Variants in SNAP25 observed in about 807,000 individuals in gnomAD.
SNAP25 encodes synaptosomal-associated protein 25.
A neutral mutation model predicts 28.7 loss-of-function variants in SNAP25; 3 were observed. The ratio of observed to expected loss-of-function variants is 0.10; its 90% confidence interval spans 0.05 to 0.27. The LOEUF is 0.27. Among genes scored for constraint, SNAP25 ranks in the 10% least tolerant of loss-of-function variants. SNAP25 has a pLI of 1.00. For missense variants in SNAP25, 117 were observed against 278.7 expected (o/e 0.42, Z 4.13); for synonymous variants, 61 against 88.1 (o/e 0.69, Z 1.72).
intron 2 of SNAP25, among the ~76,000 whole-genome samples, chr20:10,276,533 C>A (rs550831898): frequency 1.3e-5 from 2 of 152,104 alleles, no homozygotes; most frequent in African/African-American, 2.4e-5. Context: ...CAAAGAAATC[C>A]TTTTTGTCAT....
rs541425690 is a variant in SNAP25 at position 10,282,712 on chromosome 20, C to T, written c.115-2012C>T. 4.6e-5 allele frequency among the ~76,000 whole-genome samples: 7 copies of T among 152,286 alleles called. No individual in the cohort carries two copies. In the East Asian group the frequency reaches 9.6e-4, roughly 21 times the overall value. ...TTCATGTGTGGCCTGATTGGGCCCT[C>T]GAGGAGAAAGTGCTCTCCGAGATGC... On this transcript the variant is annotated intron_variant, in intron 3 of 7. Coordinates refer to ENST00000254976, the MANE Select transcript of SNAP25 (RefSeq NM_130811.4).
At chr20:10,245,691 T>TACACACAC (rs34503380) in intron 1 of SNAP25, among the ~76,000 whole-genome samples, 1 of 150,880 alleles carries the variant, frequency 6.6e-6, no homozygotes, top group African/African-American at 2.4e-5. Context: ...CTTCATCTTA[T>TACACACAC]ACACACACAC....
At chr20:10,280,011 G>A (rs2063752522) in intron 3 of SNAP25, among the ~76,000 whole-genome samples, 1 of 152,198 alleles carries the variant, frequency 6.6e-6, no homozygotes, top group Admixed American at 6.5e-5. Flanking sequence ...ATCAAGGACA[G>A]AAATCATTTG....
Position 10,297,125 on chromosome 20 carries a change from CT to C in SNAP25, c.407+76del, listed in dbSNP as rs1316491036. 4.2e-6 allele frequency: 6 copies of C among 1,444,310 alleles called. No homozygotes were observed. In the African/African-American group the frequency reaches 7.3e-5, roughly 17 times the overall value. The allele number at this position is 1,444,310 out of a possible 1,614,324, so 89.5% of individuals were successfully genotyped here. On this transcript the variant is annotated intron_variant, in intron 6 of 7. Coordinates refer to ENST00000254976, the MANE Select transcript of SNAP25 (RefSeq NM_130811.4). ...AACAACTCCAAAACTGAGTGGTTTT[CT>C]AAAAAACAACCATTTTATTGCTCAT...
chr20:10,296,757 A>G (rs2064120181), intron 5 of SNAP25, 168 bp from the exon 6 acceptor site: 1 of 836,926 alleles, frequency 1.2e-6, no homozygotes, highest in Non-Finnish European at 1.8e-6. Flanking sequence ...TAGCTGAGGC[A>G]TGGTGGTGGC....
At chr20:10,255,889 T>G in intron 1 of SNAP25, among the ~76,000 whole-genome samples, 1 of 152,096 alleles carries the variant, frequency 6.6e-6, no homozygotes, top group East Asian at 1.9e-4. Flanking sequence ...TAACAAAACT[T>G]ACAAAAATCG....
At chr20:10,267,550 TTG>T (rs1374842295) in intron 1 of SNAP25, among the ~76,000 whole-genome samples, 1 of 152,002 alleles carries the variant, frequency 6.6e-6, no homozygotes, top group Non-Finnish European at 1.5e-5. Flanking sequence ...TTTTGTTTGT[TTG>T]TTTCTTTGTT....
chr20:10,236,959 CATAAATAAATAA>C (rs3063167), intron 1 of SNAP25, among the ~76,000 whole-genome samples: 13 of 146,604 alleles, frequency 8.9e-5, no homozygotes, highest in South Asian at 2.2e-4. Context: ...AAGGAAAATA[CATAAATAAATAA>C]ATAAATAAAT....
At chr20:10,278,911 C>T (rs1418960878) in intron 3 of SNAP25, among the ~76,000 whole-genome samples, 3 of 48,364 alleles carry the variant, frequency 6.2e-5, no homozygotes, top group East Asian at 5.5e-4. Context: ...CCTAGGAAGC[C>T]GGGGAAGTGG....
rs552723518 is a variant in SNAP25 at position 10,284,709 on chromosome 20, A to G, written c.115-15A>G. On this transcript the variant is annotated splice_polypyrimidine_tract_variant and intron_variant, in intron 3 of 7. Transcript: ENST00000254976. ...CTAACTCCTTTTCAACTTTGCTACC[A>G]TTATTGGAATGTAGAGTAAAGATGC... 212 of 1,608,504 alleles carry G rather than the reference A, an allele frequency of 1.3e-4. 5 individuals carry two copies. In the South Asian group the frequency reaches 2.2e-3, roughly 16 times the overall value.
intron 3 of SNAP25, among the ~76,000 whole-genome samples, chr20:10,280,460 G>A (rs189910071): frequency 2.0e-5 from 3 of 152,300 alleles, no homozygotes; most frequent in Admixed American, 1.3e-4. Context: ...GGATAGGAAG[G>A]GAGATGTAAA....
intron 1 of SNAP25, among the ~76,000 whole-genome samples, chr20:10,250,025 A>G (rs531935965): frequency 6.6e-6 from 1 of 152,260 alleles, no homozygotes; most frequent in African/African-American, 2.4e-5. Context: ...CATTTCTAGT[A>G]AGTTCCTGCA....
intron 1 of SNAP25, among the ~76,000 whole-genome samples, chr20:10,268,148 A>G (rs2063535281): frequency 6.6e-6 from 1 of 152,208 alleles, no homozygotes; most frequent in Admixed American, 6.5e-5. Context: ...TTATTAATAG[A>G]TAAGGAGAGT....
At position 10,288,187 on chromosome 20, in the gene SNAP25, T is replaced by A. The variant is rs1229253437; in HGVS notation, c.163+3415T>A. On this transcript the variant is annotated intron_variant, in intron 4 of 7. Coordinates refer to ENST00000254976, the MANE Select transcript of SNAP25 (RefSeq NM_130811.4). The stretch of plus-strand genomic sequence containing the variant: ...TAATAAAATAAAAAAATTTAAAAAA[T>A]AAATAAATAAACATATACACTCAAA... Among the ~76,000 whole-genome samples the A allele has an allele frequency of 3.3e-5, 5 of 151,990 alleles. No homozygotes were observed. In the East Asian group the frequency reaches 7.7e-4, roughly 24 times the overall value.
chr20:10,278,442 A>G (rs1416394704), intron 3 of SNAP25, among the ~76,000 whole-genome samples: 1 of 152,216 alleles, frequency 6.6e-6, no homozygotes, highest in Non-Finnish European at 1.5e-5. Context: ...TTGGTAGAGC[A>G]GCAGTCGGCC....
intron 1 of SNAP25, among the ~76,000 whole-genome samples, chr20:10,271,842 C>T (rs1212664521): frequency 1.3e-5 from 2 of 152,294 alleles, no homozygotes; most frequent in Non-Finnish European, 1.5e-5. Context: ...GCACATGGAC[C>T]CCTGCCTTCT....
chr20:10,284,297 C>T (rs544054996), intron 3 of SNAP25, among the ~76,000 whole-genome samples: 1 of 152,236 alleles, frequency 6.6e-6, no homozygotes, highest in African/African-American at 2.4e-5. Flanking sequence ...CCCAATTTCA[C>T]TGATGAAGAC....
intron 7 of SNAP25, among the ~76,000 whole-genome samples, chr20:10,304,676 C>CT (rs577803323): frequency 3.4e-4 from 52 of 152,058 alleles, no homozygotes; most frequent in East Asian, 1.7e-3. Context: ...AATGTCGTGA[C>CT]TTTTTTTTGC....
intron 7 of SNAP25, among the ~76,000 whole-genome samples, chr20:10,300,865 A>C (rs909989316): frequency 5.9e-5 from 9 of 152,222 alleles, no homozygotes; most frequent in African/African-American, 2.2e-4. Context: ...TAGATATTAG[A>C]ATAATAATGA....
Sources: allele counts gnomAD v4.1 joint callset (sites outside exome capture counted in the v4.1 genomes callset), GRCh38; gene constraint gnomAD v4.1.1; transcripts MANE v1.5; gene names NCBI Gene and HGNC (gene_info 2026-07-23, HGNC 2026-07-21).